The following SCRN1 variants were observed in gnomAD, a reference collection of about 807,000 sequenced individuals.
SCRN1 encodes the protein secernin-1.
Under a neutral mutation model 43.3 loss-of-function variants are expected in SCRN1, and 19 were observed. That is an observed-to-expected ratio of 0.44 (90% CI 0.31 to 0.64). The LOEUF is 0.64. Among genes scored for constraint, SCRN1 ranks in the 30% least tolerant of loss-of-function variants. The pLI is 0.09. For synonymous variants in SCRN1, 183 were observed against 188.9 expected (o/e 0.97, Z 0.26); for missense variants, 447 against 524.1 (o/e 0.85, Z 1.44).
chr7:29,956,284 C>A (rs1376433610), intron 2 of SCRN1, among the ~76,000 whole-genome samples: 1 of 152,210 alleles, frequency 6.6e-6, no homozygotes, highest in Non-Finnish European at 1.5e-5. Flanking sequence ...TTTCCCCTCC[C>A]CACGTTGTGA....
Position 29,968,893 on chromosome 7 carries a change from G to C in SCRN1, c.159+16C>G. 1 of 1,613,962 alleles carries C rather than the reference G, an allele frequency of 6.2e-7. No homozygotes were observed. The highest frequency in any genetic ancestry group is 1.3e-5 in the African/African-American group (1 of 75,026). On this transcript the variant is annotated intron_variant, in intron 2 of 7. Transcript: ENST00000242059. ...AAAAGAGAGTGTGACTCGCGAGACT[G>C]CAATGCACGGCTTACCTCAACCTTG...
intron 2 of SCRN1, among the ~76,000 whole-genome samples, chr7:29,966,091 CG>C (rs1788478619): frequency 7.9e-6 from 1 of 127,316 alleles, no homozygotes; most frequent in African/African-American, 3.0e-5. Flanking sequence ...GACAGAGGAA[CG>C]AGAGAGAGAG....
intron 1 of SCRN1, 71 bp downstream of exon 1, chr7:29,989,571 C>T: frequency 2.0e-6 from 2 of 985,598 alleles, no homozygotes; most frequent in African/African-American, 1.7e-5. Flanking sequence ...CAGGAGGTGG[C>T]GATGGCGGGT....
At chr7:29,959,274 C>T (rs10265356) in intron 2 of SCRN1, among the ~76,000 whole-genome samples, 43 of 152,176 alleles carry the variant, frequency 2.8e-4, no homozygotes, top group African/African-American at 8.9e-4. Flanking sequence ...GATGAGTCAG[C>T]CAAACTTCTT....
rs753525328 is a variant in SCRN1, at chr7:29,936,733, C to G, written c.740-12G>C. The G allele has an allele frequency of 1.3e-6, 2 of 1,522,460 alleles. No individual in the cohort carries two copies. The highest frequency in any genetic ancestry group is 3.5e-4 in the Middle Eastern group (2 of 5,690). 94.3% of individuals were successfully genotyped at this position (1,522,460 alleles called of 1,614,324 possible). ...CACTGTGATGCTTTCTGCAAAAACACAAAAGACAGACAAATGGAAAGAGTA... is the reference window on the plus strand; with the variant it reads ...CACTGTGATGCTTTCTGCAAAAACAGAAAAGACAGACAAATGGAAAGAGTA... On this transcript the variant is annotated splice_polypyrimidine_tract_variant and intron_variant, in intron 5 of 7. Coordinates refer to ENST00000242059, the MANE Select transcript of SCRN1 (RefSeq NM_014766.5).
intron 2 of SCRN1, among the ~76,000 whole-genome samples, chr7:29,966,212 T>A (rs1320281262): frequency 1.7e-5 from 2 of 119,678 alleles, no homozygotes; most frequent in South Asian, 2.6e-4. Flanking sequence ...AGAAGCTGTA[T>A]CCTTTTATGG....
chr7:29,981,609 A>C (rs550737833), intron 1 of SCRN1, among the ~76,000 whole-genome samples: 1 of 152,332 alleles, frequency 6.6e-6, no homozygotes, highest in South Asian at 2.1e-4. Flanking sequence ...TCAAGTTGGG[A>C]GGCCCCAGGC....
intron 3 of SCRN1, among the ~76,000 whole-genome samples, chr7:29,949,466 C>A (rs1231227224): frequency 6.6e-6 from 1 of 150,564 alleles, no homozygotes; most frequent in African/African-American, 2.4e-5. Context: ...GCAACCTCCC[C>A]ACCTGGGTTC....
chr7:29,952,863 C>T (rs938368624), intron 3 of SCRN1, among the ~76,000 whole-genome samples: 3 of 152,130 alleles, frequency 2.0e-5, no homozygotes, highest in Non-Finnish European at 2.9e-5. Context: ...GACTCCATCC[C>T]CACCCTGAAG....
chr7:29,989,777 C>T lies in SCRN1; in HGVS notation c.-137G>A, dbSNP rs939105331. 3.0e-6 allele frequency: 3 copies of T among 986,366 alleles called. No individual in the cohort carries two copies. In the South Asian group the frequency reaches 1.4e-4, roughly 46 times the overall value. The allele number at this position is 986,366 out of a possible 1,614,324, so 61.1% of individuals were successfully genotyped here. A position where few individuals can be genotyped will look rare whatever the true frequency, so the allele number is the denominator to read the frequency against. Reference sequence around the variant, plus strand: ...CAGCTGCAGTGGCGGAGGCGGCCGCCGGGCGCTTCCCCCTACCCAGACTCC... The same window carrying T: ...CAGCTGCAGTGGCGGAGGCGGCCGCTGGGCGCTTCCCCCTACCCAGACTCC... On this transcript the variant is annotated 5_prime_UTR_variant, in exon 1 of 8. Transcript: ENST00000242059.
At chr7:29,939,877 C>T (rs1487872186) in intron 5 of SCRN1, among the ~76,000 whole-genome samples, 3 of 151,916 alleles carry the variant, frequency 2.0e-5, no homozygotes, top group Non-Finnish European at 4.4e-5. Flanking sequence ...GGGCTGGGTG[C>T]GGTGGCTTAG....
chr7:29,957,571 C>G (rs1405419159), intron 2 of SCRN1, among the ~76,000 whole-genome samples: 1 of 152,220 alleles, frequency 6.6e-6, no homozygotes, highest in Non-Finnish European at 1.5e-5. Context: ...ATTTAGTTCA[C>G]TGACATGCCC....
At chr7:29,956,295 C>G (rs1788134087) in intron 2 of SCRN1, among the ~76,000 whole-genome samples, 1 of 152,170 alleles carries the variant, frequency 6.6e-6, no homozygotes, top group African/African-American at 2.4e-5. Flanking sequence ...CACGTTGTGA[C>G]CCACGGCAGA....
At chr7:29,954,582 A>G (rs1009059253) in intron 3 of SCRN1, among the ~76,000 whole-genome samples, 1 of 152,190 alleles carries the variant, frequency 6.6e-6, no homozygotes, top group Non-Finnish European at 1.5e-5. Context: ...TGTATATTTC[A>G]TATAAATAGA....
chr7:29,933,166 G>A (rs955938191), intron 6 of SCRN1, among the ~76,000 whole-genome samples: 7 of 152,062 alleles, frequency 4.6e-5, no homozygotes, highest in Admixed American at 1.3e-4. Context: ...AGGCGTGAGC[G>A]GCCGCACCTG....
At chr7:29,968,283 C>T (rs572306614) in intron 2 of SCRN1, among the ~76,000 whole-genome samples, 5 of 152,084 alleles carry the variant, frequency 3.3e-5, no homozygotes, top group African/African-American at 1.2e-4. Context: ...GAATGAAACA[C>T]CATGCAGCTC....
At chr7:29,926,754 G>C in intron 6 of SCRN1, 122 bp from the exon 7 acceptor site, 1 of 609,938 alleles carries the variant, frequency 1.6e-6, no homozygotes, top group Non-Finnish European at 2.7e-6. Flanking sequence ...GGGTGTGGGT[G>C]ACGGGTGGGT....
At chr7:29,968,473 G>C (rs1369606625) in intron 2 of SCRN1, among the ~76,000 whole-genome samples, 1 of 152,166 alleles carries the variant, frequency 6.6e-6, no homozygotes, top group Non-Finnish European at 1.5e-5. Flanking sequence ...GTTAATCGAA[G>C]AAAGGAGGAA....
At chr7:29,932,522 C>T (rs555741280) in intron 6 of SCRN1, among the ~76,000 whole-genome samples, 2 of 151,386 alleles carry the variant, frequency 1.3e-5, no homozygotes, top group African/African-American at 2.4e-5. Flanking sequence ...TGTGGTGGCA[C>T]GTGCCTGTAG....
Sources: gnomAD v4.1 joint callset for allele counts (sites outside exome capture counted in the v4.1 genomes callset) on GRCh38, gnomAD v4.1.1 for gene constraint, MANE v1.5 for transcripts, NCBI Gene and HGNC (gene_info 2026-07-23, HGNC 2026-07-21) for gene names.